KCNIP1: variants seen among roughly 807,000 people sequenced by gnomAD.
KCNIP1 encodes A-type potassium channel modulatory protein KCNIP1.
In KCNIP1, 18 loss-of-function variants were observed where a neutral mutation model predicts 33.0. That is an observed-to-expected ratio of 0.55 (90% CI 0.38 to 0.81). The LOEUF is 0.81. Ranked by LOEUF, KCNIP1 falls within the 30% of genes least tolerant of loss-of-function variation. The probability of loss-of-function intolerance (pLI) is 0.00; values close to 1 mark genes in which losing one functional copy is unlikely to be tolerated. For missense variants in KCNIP1, 238 were observed against 271.6 expected (o/e 0.88, Z 0.87); for synonymous variants, 93 against 98.3 (o/e 0.95, Z 0.32).
intron 1 of KCNIP1, among the ~76,000 whole-genome samples, chr5:170,461,072 A>G (rs1467977339): frequency 6.6e-6 from 1 of 152,190 alleles, no homozygotes; most frequent in Non-Finnish European, 1.5e-5. Flanking sequence ...CAAAAAAAAT[A>G]AAATAAAATA....
intron 1 of KCNIP1, among the ~76,000 whole-genome samples, chr5:170,714,565 A>G (rs558862938): frequency 2.8e-4 from 43 of 152,346 alleles, no homozygotes; most frequent in Admixed American, 2.3e-3. Context: ...TTGTGGTCCC[A>G]TAAGATTATA....
chr5:170,553,763 A>G (rs566110664), intron 1 of KCNIP1, among the ~76,000 whole-genome samples: 4 of 152,344 alleles, frequency 2.6e-5, no homozygotes, highest in African/African-American at 7.2e-5. Context: ...TGAACCTCAG[A>G]TGCCTATCTT....
chr5:170,468,647 G>A (rs1048320102), intron 1 of KCNIP1, among the ~76,000 whole-genome samples: 3 of 152,068 alleles, frequency 2.0e-5, no homozygotes, highest in East Asian at 1.9e-4. Context: ...TTGGGAGGCC[G>A]AGGTGGGTGG....
At chr5:170,520,339 C>T (rs747319806) in intron 1 of KCNIP1, among the ~76,000 whole-genome samples, 3 of 151,908 alleles carry the variant, frequency 2.0e-5, no homozygotes, top group Non-Finnish European at 2.9e-5. Flanking sequence ...CCGTCTGTGC[C>T]CTTAGGTCTC....
intron 1 of KCNIP1, among the ~76,000 whole-genome samples, chr5:170,604,149 A>G (rs1758804998): frequency 1.3e-5 from 2 of 152,152 alleles, no homozygotes; most frequent in Non-Finnish European, 2.9e-5. Flanking sequence ...TGACTTGCCC[A>G]ACAGGTGGCG....
intron 1 of KCNIP1, among the ~76,000 whole-genome samples, chr5:170,484,786 CCT>C (rs1269896162): frequency 6.6e-6 from 1 of 151,804 alleles, no homozygotes; most frequent in African/African-American, 2.4e-5. Flanking sequence ...ACCTTTCCAC[CCT>C]CTCTCTGCGT....
chr5:170,699,555 TGAAA>T (rs1298625300), intron 1 of KCNIP1, among the ~76,000 whole-genome samples: 7 of 118,214 alleles, frequency 5.9e-5, no homozygotes, highest in African/African-American at 9.5e-5. Flanking sequence ...AATTGCTCTG[TGAAA>T]AAAAAAAAAA....
In KCNIP1 at chr5:170,573,083, G is replaced by A. The variant is rs537538988; in HGVS notation, c.61+68450G>A. Among the ~76,000 whole-genome samples the A allele has an allele frequency of 3.3e-5, 5 of 152,294 alleles. No homozygotes were observed. The South Asian group carries it at 1.0e-3, about 32-fold the overall frequency. On this transcript the variant is annotated intron_variant, in intron 1 of 7. Coordinates refer to ENST00000328939, the MANE Select transcript of KCNIP1 (RefSeq NM_014592.4). ...TCCCCAGCCCAGAGCTCCCACCTCG[G>A]CTCTGGCATTGCTCTCCTATGCAAG...
chr5:170,362,437 C>A (rs577560324), intron 1 of KCNIP1, among the ~76,000 whole-genome samples: 2 of 152,312 alleles, frequency 1.3e-5, no homozygotes, highest in African/African-American at 4.8e-5. Flanking sequence ...ACTTCAGGAC[C>A]TCCATTCTGA....
intron 1 of KCNIP1, among the ~76,000 whole-genome samples, chr5:170,433,182 T>C (rs1333998816): frequency 6.6e-6 from 1 of 152,214 alleles, no homozygotes; most frequent in Non-Finnish European, 1.5e-5. Context: ...TGTTTCTTTT[T>C]ATTTTATTTA....
rs112216349 is a variant in KCNIP1 at position 170,681,401 on chromosome 5, C to G, written c.62-37357C>G. 2,094 of 346,018 alleles carry G rather than the reference C, an allele frequency of 6.1e-3. 42 individuals are homozygous for G. Among genetic ancestry groups the G allele is most frequent in the African/African-American group, 0.04 (1,883 of 47,480 alleles). 21.4% of individuals were successfully genotyped at this position (346,018 alleles called of 1,614,324 possible). A position where few individuals can be genotyped will look rare whatever the true frequency, so the allele number is the denominator to read the frequency against. On this transcript the variant is annotated intron_variant, in intron 1 of 7. Transcript: ENST00000328939. ...TGGTGCGCCTGGGGAGTGCGGGAGC[C>G]AGGAAGTTAGGGTCTCCTGCTCCGG...
intron 1 of KCNIP1, among the ~76,000 whole-genome samples, chr5:170,488,351 C>G (rs1392092317): frequency 6.6e-6 from 1 of 152,142 alleles, no homozygotes; most frequent in African/African-American, 2.4e-5. Context: ...TCCCTTGTGT[C>G]CTTATGCCTG....
intron 1 of KCNIP1, among the ~76,000 whole-genome samples, chr5:170,675,014 G>T (rs759887018): frequency 5.3e-5 from 8 of 151,254 alleles, no homozygotes; most frequent in Non-Finnish European, 1.2e-4. Flanking sequence ...GTCTAAAATT[G>T]CTCTGGGCTG....
At chr5:170,680,721 A>G (rs1762308613) in intron 1 of KCNIP1, 1 of 184,306 alleles carries the variant, frequency 5.4e-6, no homozygotes, top group African/African-American at 2.3e-5. Context: ...ACACTGACAC[A>G]CGTTTTCTCT....
At chr5:170,682,098 T>C (rs1762370878) in intron 1 of KCNIP1, among the ~76,000 whole-genome samples, 1 of 152,196 alleles carries the variant, frequency 6.6e-6, no homozygotes, top group African/African-American at 2.4e-5. Context: ...AATAATGAAA[T>C]GCATTTGTAG....
At chr5:170,475,522 T>C (rs1489661119) in intron 1 of KCNIP1, among the ~76,000 whole-genome samples, 1 of 152,054 alleles carries the variant, frequency 6.6e-6, no homozygotes, top group African/African-American at 2.4e-5. Context: ...TTTTCTTAGG[T>C]TGTTCTAAGT....
intron 1 of KCNIP1, among the ~76,000 whole-genome samples, chr5:170,435,605 C>T (rs79211885): frequency 0.034 from 5,134 of 152,272 alleles, 105 homozygotes; most frequent in South Asian, 0.094. Flanking sequence ...AAGGCACAGG[C>T]TCTGGAAGAG....
At chr5:170,391,486 C>T (rs1348031081) in intron 1 of KCNIP1, among the ~76,000 whole-genome samples, 1 of 152,170 alleles carries the variant, frequency 6.6e-6, no homozygotes, top group Non-Finnish European at 1.5e-5. Context: ...AAACCCAGGT[C>T]CTTTGCTGGC....
intron 1 of KCNIP1, among the ~76,000 whole-genome samples, chr5:170,637,224 C>T (rs149441049): frequency 4.9e-4 from 75 of 152,212 alleles, no homozygotes; most frequent in African/African-American, 1.7e-3. Flanking sequence ...CCCAGAACCA[C>T]GGCCCTTGAC....
Sources: gnomAD v4.1 joint callset for allele counts (sites outside exome capture counted in the v4.1 genomes callset) on GRCh38, gnomAD v4.1.1 for gene constraint, MANE v1.5 for transcripts, NCBI Gene and HGNC (gene_info 2026-07-23, HGNC 2026-07-21) for gene names.